Variants in MYO9A observed in about 807,000 individuals in gnomAD.
The protein encoded by MYO9A is unconventional myosin-IXa.
Under a neutral mutation model 293.3 loss-of-function variants are expected in MYO9A, and 103 were observed. The observed-to-expected ratio is 0.35, with a 90% confidence interval of 0.30 to 0.41. The LOEUF (loss-of-function observed/expected upper bound fraction) is 0.41, where lower values mean the gene tolerates loss of function less well. Among genes scored for constraint, MYO9A ranks in the 10% least tolerant of loss-of-function variants. MYO9A has a pLI of 1.00. For missense variants in MYO9A, 2,685 were observed against 3,033.0 expected (o/e 0.89, Z 2.69); for synonymous variants, 1,001 against 1,035.7 (o/e 0.97, Z 0.64).
intron 6 of MYO9A, among the ~76,000 whole-genome samples, chr15:72,014,338 A>G (rs1036592517): frequency 6.6e-6 from 1 of 152,112 alleles, no homozygotes; most frequent in Non-Finnish European, 1.5e-5. Flanking sequence ...TATGTCCTGC[A>G]CTCTACACTA....
intron 40 of MYO9A, among the ~76,000 whole-genome samples, chr15:71,828,677 CCTAAT>C (rs1271944294): frequency 6.6e-6 from 1 of 152,180 alleles, no homozygotes; most frequent in Non-Finnish European, 1.5e-5. Context: ...GTACTCAGAT[CCTAAT>C]CTTGCTTTTT....
At chr15:71,908,084 C>T (rs1248035002) in intron 19 of MYO9A, among the ~76,000 whole-genome samples, 2 of 152,096 alleles carry the variant, frequency 1.3e-5, no homozygotes, top group Admixed American at 6.6e-5. Context: ...TTAGGTCTAA[C>T]GTTTAAGTCT....
At position 72,080,464 on chromosome 15, in the gene MYO9A, C is replaced by T. The variant is rs142320787; in HGVS notation, c.-71-33830G>A. Among the ~76,000 whole-genome samples, 1,186 of 151,880 alleles carry T rather than the reference C, an allele frequency of 7.8e-3. 9 individuals carry two copies. The highest frequency in any genetic ancestry group is 0.016 in the South Asian group (75 of 4,818). On this transcript the variant is annotated intron_variant, in intron 1 of 41. Transcript: ENST00000356056. ...AGCCTAGGAGAGAAGTGTCCACCAA[C>T]CTATGAAGACAGTCTCCACAGCTCA...
In MYO9A at chr15:72,023,674, G is replaced by A. The variant is rs1243460451; in HGVS notation, c.999-2657C>T. 8.1e-5 allele frequency among the ~76,000 whole-genome samples: 10 copies of A among 123,506 alleles called. No individual in the cohort carries two copies. In the East Asian group the frequency reaches 1.7e-3, roughly 21 times the overall value. The allele number at this position is 123,506 out of a possible 152,430, so 81.0% of individuals were successfully genotyped here. A position where few individuals can be genotyped will look rare whatever the true frequency, so the allele number is the denominator to read the frequency against. ...CACACCATTGCACTCCAGCCTGGGC[G>A]ACAAGAATGAAACTCTGTCTCAAAA... On this transcript the variant is annotated intron_variant, in intron 4 of 41. Coordinates refer to ENST00000356056, the MANE Select transcript of MYO9A (RefSeq NM_006901.4).
chr15:71,876,540 A>G (rs2056698152), intron 31 of MYO9A, among the ~76,000 whole-genome samples: 1 of 148,532 alleles, frequency 6.7e-6, no homozygotes, highest in East Asian at 2.0e-4. Context: ...GGTTCAAGCA[A>G]TTCTCCTGTC....
intron 1 of MYO9A, among the ~76,000 whole-genome samples, chr15:72,051,081 T>C (rs530846948): frequency 4.6e-5 from 7 of 152,360 alleles, no homozygotes; most frequent in African/African-American, 1.4e-4. Context: ...TTTTGTTTTA[T>C]AGAGCCAGGG....
In MYO9A at chr15:71,933,719, TA is replaced by T; in HGVS notation, c.2523-11del. On this transcript the variant is annotated splice_polypyrimidine_tract_variant and intron_variant, in intron 17 of 41. Transcript: ENST00000356056. Reference sequence around the variant, plus strand: ...GAAATTTTTGTTTCTCCTATAGAGATAAATCATTCATTAAAAAAAGCTACTG... The same window carrying T: ...GAAATTTTTGTTTCTCCTATAGAGATAATCATTCATTAAAAAAAGCTACTG... The T allele has an allele frequency of 6.3e-7, 1 of 1,591,568 alleles. No individual in the cohort carries two copies. Among genetic ancestry groups the T allele is most frequent in the Non-Finnish European group, 8.5e-7 (1 of 1,170,884 alleles).
chr15:71,891,715 AT>A (rs2057183707), intron 26 of MYO9A: 1 of 152,178 alleles, frequency 6.6e-6, no homozygotes, highest in African/African-American at 2.4e-5. Flanking sequence ...CATTTATCTA[AT>A]CAGGGGACTT....
chr15:72,110,778 G>C (rs1203037309), intron 1 of MYO9A, among the ~76,000 whole-genome samples: 1 of 152,152 alleles, frequency 6.6e-6, no homozygotes, highest in Non-Finnish European at 1.5e-5. Flanking sequence ...AAGACAACTA[G>C]TAGACAGACT....
intron 14 of MYO9A, among the ~76,000 whole-genome samples, chr15:71,955,536 G>C (rs903804000): frequency 1.3e-5 from 2 of 152,218 alleles, no homozygotes; most frequent in Admixed American, 1.3e-4. Context: ...TCAGTGGTTT[G>C]TTTCTTTTCA....
chr15:72,059,173 T>C (rs559130174), intron 1 of MYO9A, among the ~76,000 whole-genome samples: 2 of 152,322 alleles, frequency 1.3e-5, no homozygotes, highest in South Asian at 2.1e-4. Flanking sequence ...TAATCAGTAG[T>C]ACAGGTTGGA....
chr15:72,007,489 T>A (rs1387200048), intron 8 of MYO9A, among the ~76,000 whole-genome samples: 1 of 151,746 alleles, frequency 6.6e-6, no homozygotes, highest in South Asian at 2.1e-4. Flanking sequence ...TGAGAAGAAA[T>A]CTCAAATATG....
At chr15:72,086,732 T>A (rs1025032049) in intron 1 of MYO9A, among the ~76,000 whole-genome samples, 3 of 144,002 alleles carry the variant, frequency 2.1e-5, no homozygotes, top group Non-Finnish European at 4.6e-5. Flanking sequence ...CTGGTGCATA[T>A]CCACCGGGGC....
intron 39 of MYO9A, among the ~76,000 whole-genome samples, chr15:71,836,931 G>A: frequency 6.6e-6 from 1 of 151,988 alleles, no homozygotes; most frequent in East Asian, 1.9e-4. Flanking sequence ...TTGAGCTGGG[G>A]TGGTATGTGG....
chr15:72,078,748 G>C (rs2079447511), intron 1 of MYO9A, among the ~76,000 whole-genome samples: 1 of 152,082 alleles, frequency 6.6e-6, no homozygotes, highest in African/African-American at 2.4e-5. Flanking sequence ...TCCTTCAAAA[G>C]GTGAATAAAC....
intron 2 of MYO9A, among the ~76,000 whole-genome samples, chr15:72,044,836 T>C (rs2078334505): frequency 6.6e-6 from 1 of 152,224 alleles, no homozygotes; most frequent in Admixed American, 6.5e-5. Flanking sequence ...GACTCTGCTT[T>C]CTCCCCTTAT....
intron 1 of MYO9A, among the ~76,000 whole-genome samples, chr15:72,101,630 A>G (rs1438367812): frequency 0.061 from 2,460 of 40,142 alleles, no homozygotes; most frequent in Admixed American, 0.1. Context: ...CGCCCCATCC[A>G]GGAGGGAGGT....
intron 39 of MYO9A, among the ~76,000 whole-genome samples, chr15:71,831,969 A>G (rs2054746156): frequency 6.6e-6 from 1 of 152,194 alleles, no homozygotes; most frequent in Non-Finnish European, 1.5e-5. Context: ...AAGAATGGAA[A>G]AATTCACAAA....
At position 71,975,039 on chromosome 15, in the gene MYO9A, TAA is replaced by T. The variant is rs1424636877; in HGVS notation, c.1844+3130_1844+3131del. On this transcript the variant is annotated intron_variant, in intron 12 of 41. Coordinates refer to ENST00000356056, the MANE Select transcript of MYO9A (RefSeq NM_006901.4). The stretch of plus-strand genomic sequence containing the variant: ...GATGACACTGTCTTTAACTCAGTTA[TAA>T]GAGATGCTCAAAAGGTAAAAGTTGT... Among the ~76,000 whole-genome samples, 4 of 152,312 alleles carry T rather than the reference TAA, an allele frequency of 2.6e-5. No individual in the cohort carries two copies. The East Asian group carries it at 7.7e-4, about 29-fold the overall frequency.
Sources: gnomAD v4.1 joint callset for allele counts (sites outside exome capture counted in the v4.1 genomes callset) on GRCh38, gnomAD v4.1.1 for gene constraint, MANE v1.5 for transcripts, NCBI Gene and HGNC (gene_info 2026-07-23, HGNC 2026-07-21) for gene names.